The following FSHR variants were observed in gnomAD, a reference collection of about 807,000 sequenced individuals.
FSHR encodes follicle stimulating hormone receptor.
FSHR carries 46 observed loss-of-function variants against 52.1 expected under a neutral mutation model. The observed-to-expected ratio is 0.88, with a 90% CI of 0.70 to 1.13. FSHR has a LOEUF of 1.13. Among genes scored for constraint, FSHR ranks in the 50% most tolerant of loss-of-function variants. FSHR has a pLI of 0.00. For missense variants in FSHR, 964 were observed against 834.6 expected (o/e 1.16, Z -1.91); for synonymous variants, 399 against 309.6 (o/e 1.29, Z -3.03).
chr2:49,115,241 A>T (rs886786083), intron 1 of FSHR, among the ~76,000 whole-genome samples: 2 of 151,810 alleles, frequency 1.3e-5, no homozygotes, highest in Non-Finnish European at 2.9e-5. Flanking sequence ...CACTACCTTA[A>T]TACCTCTGGA....
chr2:49,044,942 T>C (rs1164292933), intron 2 of FSHR, among the ~76,000 whole-genome samples: 1 of 152,214 alleles, frequency 6.6e-6, no homozygotes, highest in Non-Finnish European at 1.5e-5. Context: ...ATTGCATTTT[T>C]CAGTGTCCAG....
chr2:49,031,117 T>A (rs1425492652), intron 2 of FSHR, among the ~76,000 whole-genome samples: 1 of 152,188 alleles, frequency 6.6e-6, no homozygotes, highest in African/African-American at 2.4e-5. Flanking sequence ...TGGGACCCTT[T>A]GTTTAAATAA....
intron 1 of FSHR, among the ~76,000 whole-genome samples, chr2:49,123,227 G>A (rs984998688): frequency 6.6e-6 from 1 of 152,112 alleles, no homozygotes; most frequent in African/African-American, 2.4e-5. Context: ...TCAGCCAGGC[G>A]CGGTGGTTCA....
chr2:49,042,578 G>T (rs1450581840), intron 2 of FSHR, among the ~76,000 whole-genome samples: 1 of 98,074 alleles, frequency 1.0e-5, no homozygotes, highest in South Asian at 4.4e-4. Flanking sequence ...TGTCCACATG[G>T]GTTTATATAT....
intron 1 of FSHR, among the ~76,000 whole-genome samples, chr2:49,079,454 G>C (rs1416514682): frequency 6.6e-6 from 1 of 152,040 alleles, no homozygotes; most frequent in Non-Finnish European, 1.5e-5. Context: ...TTTTAAAGAA[G>C]TAGATCAAGA....
intron 1 of FSHR, among the ~76,000 whole-genome samples, chr2:49,108,215 A>T (rs181565030): frequency 9.2e-5 from 14 of 152,026 alleles, no homozygotes; most frequent in African/African-American, 3.1e-4. Context: ...ACACCATCGA[A>T]TCCCCTGCTT....
At chr2:49,091,963 G>C (rs1334160664) in intron 1 of FSHR, among the ~76,000 whole-genome samples, 1 of 152,148 alleles carries the variant, frequency 6.6e-6, no homozygotes, top group Non-Finnish European at 1.5e-5. Context: ...AGATCAGTTT[G>C]AGGAGAATTA....
At chr2:49,138,592 A>G (rs1672566608) in intron 1 of FSHR, among the ~76,000 whole-genome samples, 1 of 151,614 alleles carries the variant, frequency 6.6e-6, no homozygotes, top group Non-Finnish European at 1.5e-5. Flanking sequence ...GTGAAAGAAT[A>G]CAGTAACAAA....
At chr2:48,964,013 T>G (rs1357337570) in intron 9 of FSHR, 47 bp from the exon 10 acceptor site, 2 of 1,562,598 alleles carry the variant, frequency 1.3e-6, no homozygotes, top group Non-Finnish European at 1.7e-6. Flanking sequence ...AGATCCAGTA[T>G]AGCAAATACA....
At chr2:49,134,609 T>C (rs1026562232) in intron 1 of FSHR, among the ~76,000 whole-genome samples, 1 of 152,190 alleles carries the variant, frequency 6.6e-6, no homozygotes, top group Non-Finnish European at 1.5e-5. Context: ...TCAAGACACA[T>C]GCACACATAT....
At chr2:48,985,114 GAT>G (rs1559099531) in intron 6 of FSHR, among the ~76,000 whole-genome samples, 15 of 9,852 alleles carry the variant, frequency 1.5e-3, no homozygotes, top group African/African-American at 5.2e-3. Context: ...AGATGATGAC[GAT>G]GATGACGATG....
rs1672113933 is a variant in FSHR, at chr2:49,127,882, TCTTCTTCTTC to T, written c.152+26374_152+26383del. ...TTCTTCTTCTTCTTCTTCTTCTTCT[TCTTCTTCTTC>T]TTCTTCTTTTTTTTTTTTGAGACGG... On this transcript the variant is annotated intron_variant, in intron 1 of 9. Transcript: ENST00000406846. Among the ~76,000 whole-genome samples the T allele has an allele frequency of 2.6e-4, 12 of 46,600 alleles. 1 individual carries two copies. The highest frequency in any genetic ancestry group is 1.6e-3 in the African/African-American group (10 of 6,342). 30.6% of individuals were successfully genotyped at this position (46,600 alleles called of 152,430 possible). A position where few individuals can be genotyped will look rare whatever the true frequency, so the allele number is the denominator to read the frequency against.
intron 6 of FSHR, among the ~76,000 whole-genome samples, chr2:48,988,201 T>C (rs1038462202): frequency 2.6e-5 from 4 of 152,208 alleles, no homozygotes; most frequent in African/African-American, 9.7e-5. Context: ...TTTGTACATA[T>C]AGGCATATTT....
At chr2:49,014,207 G>A (rs561256595) in intron 4 of FSHR, among the ~76,000 whole-genome samples, 4 of 152,124 alleles carry the variant, frequency 2.6e-5, no homozygotes, top group Admixed American at 6.5e-5. Context: ...AGAATCCCTC[G>A]ACAGTGACAT....
chr2:49,117,724 C>T (rs1256563769), intron 1 of FSHR, among the ~76,000 whole-genome samples: 1 of 152,170 alleles, frequency 6.6e-6, no homozygotes, highest in Non-Finnish European at 1.5e-5. Context: ...TTCACTCCTG[C>T]CTCGCTTTCC....
chr2:49,031,871 TAGTA>T (rs1296268660), intron 2 of FSHR, among the ~76,000 whole-genome samples: 2 of 152,196 alleles, frequency 1.3e-5, no homozygotes, highest in African/African-American at 2.4e-5. Flanking sequence ...ATCTGAAGCT[TAGTA>T]AGTAGTAAAG....
intron 4 of FSHR, among the ~76,000 whole-genome samples, chr2:49,009,388 C>T (rs1667188683): frequency 6.6e-6 from 1 of 151,926 alleles, no homozygotes; most frequent in Non-Finnish European, 1.5e-5. Context: ...TGATCTATAT[C>T]TCTGTTTTGG....
chr2:49,018,184 A>AT (rs1272573823), intron 3 of FSHR, among the ~76,000 whole-genome samples: 5 of 152,130 alleles, frequency 3.3e-5, no homozygotes, highest in African/African-American at 1.2e-4. Flanking sequence ...ATGGCCATTG[A>AT]TTCCCTTTAT....
chr2:49,108,997 G>C (rs1437615528), intron 1 of FSHR, among the ~76,000 whole-genome samples: 2 of 152,174 alleles, frequency 1.3e-5, no homozygotes, highest in African/African-American at 4.8e-5. Context: ...AAGCACGCCT[G>C]CTGGGCTTAA....
Sources: gnomAD v4.1 joint callset for allele counts (sites outside exome capture counted in the v4.1 genomes callset) on GRCh38, gnomAD v4.1.1 for gene constraint, MANE v1.5 for transcripts, NCBI Gene and HGNC (gene_info 2026-07-23, HGNC 2026-07-21) for gene names.